Variants in PPP1R7 observed in about 807,000 individuals in gnomAD.
PPP1R7 encodes the protein protein phosphatase 1 regulatory subunit 7, also known as protein phosphatase 1 regulatory subunit 22.
In PPP1R7, 18 loss-of-function variants were observed where a neutral mutation model predicts 45.2. The ratio of observed to expected loss-of-function variants is 0.40; its 90% confidence interval spans 0.28 to 0.59. PPP1R7 has a LOEUF of 0.59. PPP1R7 is among the 20% of genes least tolerant of loss of function. The pLI, the probability that PPP1R7 is intolerant of heterozygous loss-of-function variation, is 0.46. For missense variants in PPP1R7, 314 were observed against 455.8 expected, an observed-to-expected ratio of 0.69 and a Z score of 2.83; for synonymous variants, 181 against 183.4, an observed-to-expected ratio of 0.99 and a Z score of 0.11.
At chr2:241,172,641 C>G (rs1203441472) in intron 9 of PPP1R7, among the ~76,000 whole-genome samples, 2 of 147,624 alleles carry the variant, frequency 1.4e-5, no homozygotes, top group Non-Finnish European at 3.0e-5. Context: ...GAAACTCCGT[C>G]TCAAAAAAAA....
At chr2:241,173,930 G>A (rs948914533) in intron 9 of PPP1R7, among the ~76,000 whole-genome samples, 22 of 96,622 alleles carry the variant, frequency 2.3e-4, no homozygotes, top group Admixed American at 1.0e-3. Context: ...TTTTTTTTTT[G>A]GTAGATTATT....
At chr2:241,173,027 C>T (rs531477042) in intron 9 of PPP1R7, among the ~76,000 whole-genome samples, 1 of 151,732 alleles carries the variant, frequency 6.6e-6, no homozygotes, top group African/African-American at 2.4e-5. Flanking sequence ...CACGGTGGCT[C>T]ACACCTGTAA....
Position 241,182,812 on chromosome 2 carries a change from G to T in PPP1R7, c.1072G>T (p.Val358Phe). ...CGTGCGGCAGATCGATGCCACGTTC[G>T]TCAGGTTCTGAGTCCTTCTTGGCTC... ...PSVRQIDATFVRF is the reference protein window; with the variant it reads ...PSVRQIDATFFRF The change falls in exon 10 of 10, where the codon GTC becomes TTC. Residue 358 changes from valine (V) to phenylalanine (F), a missense_variant. Around this residue, in one of 3 missense-constraint regions of PPP1R7, gnomAD observed 168 missense variants for 285.3 expected, o/e 0.59. Transcript: ENST00000234038. The T allele has an allele frequency of 6.2e-7, 1 of 1,612,718 alleles. No individual in the cohort carries two copies. The highest frequency in any genetic ancestry group is 1.1e-5 in the South Asian group (1 of 91,066).
chr2:241,166,901 G>A, intron 8 of PPP1R7: 1 of 697,040 alleles, frequency 1.4e-6, no homozygotes, highest in Non-Finnish European at 2.4e-6. Flanking sequence ...CCCACAGAGA[G>A]CACAGGACCA....
chr2:241,182,869 C>G lies in PPP1R7; in HGVS notation c.*46C>G, dbSNP rs781069970. 3 of 1,583,166 alleles carry G rather than the reference C, an allele frequency of 1.9e-6. No homozygotes were observed. The highest frequency in any genetic ancestry group is 2.3e-5 in the East Asian group (1 of 44,198). ...TGGTCCCTCTCCTCGGAAGAACTGC[C>G]CAGCCACGGGTTTTTAACCCACCTG... On this transcript the variant is annotated 3_prime_UTR_variant, in exon 10 of 10. Coordinates refer to ENST00000234038, the MANE Select transcript of PPP1R7 (RefSeq NM_002712.3).
intron 9 of PPP1R7, among the ~76,000 whole-genome samples, chr2:241,181,981 C>G (rs11688421): frequency 6.7e-6 from 1 of 150,218 alleles, no homozygotes; most frequent in African/African-American, 2.5e-5. Context: ...CCAGCCTGGG[C>G]GACAGAGCGA....
At chr2:241,150,672 A>C (rs1224766186) in intron 1 of PPP1R7, 125 bp downstream of exon 1, 1 of 1,296,188 alleles carries the variant, frequency 7.7e-7, no homozygotes, top group African/African-American at 1.6e-5. Flanking sequence ...CGGCCCCCTG[A>C]CAGCTGACAG....
chr2:241,171,562 G>A (rs577873740), intron 9 of PPP1R7, among the ~76,000 whole-genome samples: 1 of 152,246 alleles, frequency 6.6e-6, no homozygotes, highest in African/African-American at 2.4e-5. Context: ...GTCTTAACAA[G>A]TTTCTGATAA....
intron 4 of PPP1R7, chr2:241,158,940 C>A: frequency 2.2e-6 from 1 of 451,714 alleles, no homozygotes; most frequent in South Asian, 2.6e-5. Flanking sequence ...ACACCCCAGG[C>A]CAACGCCTCC....
In PPP1R7 at chr2:241,182,876, C is replaced by T. The variant is rs1559431514; in HGVS notation, c.*53C>T. 38 of 1,574,274 alleles carry T rather than the reference C, an allele frequency of 2.4e-5. No individual in the cohort carries two copies. The highest frequency in any genetic ancestry group is 4.0e-5 in the African/African-American group (3 of 74,078). ...TCTCCTCGGAAGAACTGCCCAGCCA[C>T]GGGTTTTTAACCCACCTGTTGCTCC... On this transcript the variant is annotated 3_prime_UTR_variant, in exon 10 of 10. Transcript: ENST00000234038.
chr2:241,149,701 C>A, upstream of PPP1R7: 1 of 1,551,390 alleles, frequency 6.4e-7, no homozygotes. Flanking sequence ...GACTCGCGAT[C>A]AAAATGGGTG....
chr2:241,166,280 C>G (rs531413112), intron 7 of PPP1R7, 57 bp from the exon 8 acceptor site: 4 of 1,387,530 alleles, frequency 2.9e-6, no homozygotes, highest in Non-Finnish European at 4.0e-6. Context: ...TCCTAAAAAC[C>G]GTTTCATTTC....
chr2:241,153,441 T>A (rs1381889745), intron 1 of PPP1R7, 35 bp from the exon 2 acceptor site: 3 of 1,612,470 alleles, frequency 1.9e-6, no homozygotes, highest in Non-Finnish European at 2.5e-6. Context: ...TCCCATAAAG[T>A]GGATGTGAAT....
intron 9 of PPP1R7, among the ~76,000 whole-genome samples, chr2:241,178,157 G>A (rs2067939178): frequency 6.6e-6 from 1 of 152,220 alleles, no homozygotes; most frequent in Non-Finnish European, 1.5e-5. Flanking sequence ...TCGAGGAGAG[G>A]CTGTGTGCCT....
chr2:241,158,896 G>T, intron 4 of PPP1R7: 1 of 417,308 alleles, frequency 2.4e-6, no homozygotes. Context: ...CCCACCAAAG[G>T]TTCTTATGTT....
chr2:241,170,063 C>A (rs1022315687), intron 9 of PPP1R7, among the ~76,000 whole-genome samples, 196 bp downstream of exon 9: 1 of 152,218 alleles, frequency 6.6e-6, no homozygotes. Context: ...AGCCACAGAT[C>A]AGCAGCATTG....
intron 9 of PPP1R7, among the ~76,000 whole-genome samples, chr2:241,180,882 T>G (rs1419127157): frequency 1.3e-5 from 2 of 152,004 alleles, no homozygotes; most frequent in Non-Finnish European, 1.5e-5. Flanking sequence ...TACGCACTAG[T>G]CCCACAAAAG....
intron 6 of PPP1R7, among the ~76,000 whole-genome samples, chr2:241,162,690 T>C (rs2067621280): frequency 6.6e-6 from 1 of 151,300 alleles, no homozygotes; most frequent in Non-Finnish European, 1.5e-5. Flanking sequence ...GGACTTTTTT[T>C]TTTTTTTTTT....
intron 3 of PPP1R7, 81 bp downstream of exon 3, chr2:241,157,943 A>T (rs2067496911): frequency 1.4e-6 from 2 of 1,456,220 alleles, no homozygotes; most frequent in South Asian, 2.3e-5. Context: ...TTAGTAAGTT[A>T]TTTCCCTAGA....
Sources: allele counts gnomAD v4.1 joint callset (sites outside exome capture counted in the v4.1 genomes callset), GRCh38; gene constraint gnomAD v4.1.1; regional missense constraint gnomAD v4.1.1; transcripts MANE v1.5; gene names NCBI Gene and HGNC (gene_info 2026-07-23, HGNC 2026-07-21).